Variants in FILIP1L observed in about 807,000 individuals in gnomAD.
FILIP1L encodes filamin A interacting protein 1 like.
In FILIP1L, 55 loss-of-function variants were observed where a neutral mutation model predicts 96.6. That is an observed-to-expected ratio of 0.57 (90% CI 0.46 to 0.71). FILIP1L has a LOEUF of 0.71. Ranked by LOEUF, FILIP1L falls within the 30% of genes least tolerant of loss-of-function variation. The probability of loss-of-function intolerance (pLI) is 0.00; values close to 1 mark genes in which losing one functional copy is unlikely to be tolerated. For synonymous variants in FILIP1L, 467 were observed against 473.9 expected (o/e 0.99, Z 0.19); for missense variants, 1,304 against 1,321.2 (o/e 0.99, Z 0.20).
At chr3:99,965,361 C>T (rs549916421) in intron 1 of FILIP1L, among the ~76,000 whole-genome samples, 1 of 152,300 alleles carries the variant, frequency 6.6e-6, no homozygotes, top group Admixed American at 6.5e-5. Context: ...TCACATTTCT[C>T]TCTGTTGCCC....
At chr3:99,951,768 A>G (rs1357204230) in intron 1 of FILIP1L, among the ~76,000 whole-genome samples, 1 of 152,198 alleles carries the variant, frequency 6.6e-6, no homozygotes, top group Non-Finnish European at 1.5e-5. Flanking sequence ...GTAAGGAGCC[A>G]AACAGTAAAT....
At chr3:100,033,050 A>G (rs1490389606) in intron 1 of FILIP1L, among the ~76,000 whole-genome samples, 1 of 151,982 alleles carries the variant, frequency 6.6e-6, no homozygotes, top group Non-Finnish European at 1.5e-5. Context: ...ACCATTGATG[A>G]GACATGGTAA....
chr3:99,945,050 A>C (rs1051000275), intron 1 of FILIP1L, among the ~76,000 whole-genome samples: 3 of 152,148 alleles, frequency 2.0e-5, no homozygotes, highest in African/African-American at 7.2e-5. Flanking sequence ...TTAAGTCAAA[A>C]ATCATCAAGA....
intron 1 of FILIP1L, among the ~76,000 whole-genome samples, chr3:100,067,059 G>A (rs997079753): frequency 5.3e-5 from 8 of 152,164 alleles, no homozygotes; most frequent in African/African-American, 1.9e-4. Flanking sequence ...CGTGGACTGT[G>A]ATTAGGTTAA....
Position 99,873,788 on chromosome 3 carries a change from ACT to A in FILIP1L, c.606-22720_606-22719del, listed in dbSNP as rs1705363905. Among the ~76,000 whole-genome samples the A allele has an allele frequency of 7.2e-5, 11 of 152,314 alleles. 1 individual carries two copies. In the South Asian group the frequency reaches 2.3e-3, roughly 32 times the overall value. On this transcript the variant is annotated intron_variant, in intron 4 of 5. Transcript: ENST00000477258. ...GTCAAGGCTTGATTTGTGTTTTCATACTGGCTGTTACTATAGTCTCCATCACA... is the reference window on the plus strand; with the variant it reads ...GTCAAGGCTTGATTTGTGTTTTCATAGGCTGTTACTATAGTCTCCATCACA...
intron 4 of FILIP1L, among the ~76,000 whole-genome samples, chr3:99,863,398 G>C (rs809415): frequency 6.6e-6 from 1 of 151,940 alleles, no homozygotes; most frequent in African/African-American, 2.4e-5. Context: ...ACTCCTGTAC[G>C]TGGGGACTCA....
intron 1 of FILIP1L, among the ~76,000 whole-genome samples, chr3:100,095,435 A>G (rs2066188040): frequency 6.6e-6 from 1 of 152,220 alleles, no homozygotes; most frequent in Admixed American, 6.5e-5. Context: ...TATTTAAAAA[A>G]CAATTAAAAA....
At position 100,114,442 on chromosome 3, in the gene FILIP1L, C is replaced by T. The variant is rs1376348056; in HGVS notation, c.-400G>A. ...GATGAGGTGACCCAAAAGCCAGGAACCATCTGCGCAGAGCAGACAAGTAGA... is the reference window on the plus strand; with the variant it reads ...GATGAGGTGACCCAAAAGCCAGGAATCATCTGCGCAGAGCAGACAAGTAGA... On this transcript the variant is annotated 5_prime_UTR_variant, in exon 1 of 6. Coordinates refer to ENST00000477258, the MANE Select transcript of FILIP1L (RefSeq NM_001387850.1). The T allele has an allele frequency of 6.5e-6, 1 of 152,746 alleles. No individual in the cohort carries two copies. The highest frequency in any genetic ancestry group is 1.5e-5 in the Non-Finnish European group (1 of 68,554). 9.5% of individuals were successfully genotyped at this position (152,746 alleles called of 1,614,324 possible).
chr3:100,049,000 T>G (rs1240126623), intron 1 of FILIP1L, among the ~76,000 whole-genome samples: 1 of 152,232 alleles, frequency 6.6e-6, no homozygotes, highest in African/African-American at 2.4e-5. Flanking sequence ...GGATTACATC[T>G]TATATGAATA....
At chr3:99,848,084 G>C (rs1943448713) in intron 5 of FILIP1L, 1 of 1,364,768 alleles carries the variant, frequency 7.3e-7, no homozygotes, top group Non-Finnish European at 9.5e-7. Context: ...TAAATGAAAA[G>C]ATATACAGTA....
chr3:99,965,981 C>G, intron 1 of FILIP1L, among the ~76,000 whole-genome samples: 1 of 152,166 alleles, frequency 6.6e-6, no homozygotes, highest in Non-Finnish European at 1.5e-5. Context: ...CCCTAGTAAA[C>G]CCCATGTCTC....
chr3:99,914,233 T>C (rs1706882560), intron 4 of FILIP1L, among the ~76,000 whole-genome samples: 3 of 152,136 alleles, frequency 2.0e-5, no homozygotes, highest in African/African-American at 4.8e-5. Flanking sequence ...AGACTTGATA[T>C]AGGATATATG....
At chr3:99,970,359 G>A (rs1459995715) in intron 1 of FILIP1L, among the ~76,000 whole-genome samples, 1 of 152,184 alleles carries the variant, frequency 6.6e-6, no homozygotes, top group East Asian at 1.9e-4. Flanking sequence ...TGTGTGAGGT[G>A]GATGAGACCA....
chr3:99,985,607 G>A (rs1248201535), intron 1 of FILIP1L, among the ~76,000 whole-genome samples: 1 of 132,982 alleles, frequency 7.5e-6, no homozygotes, highest in African/African-American at 2.7e-5. Context: ...TTTTTTTTTT[G>A]AGATAGAGTC....
chr3:99,999,562 C>G (rs1709783524), intron 1 of FILIP1L, among the ~76,000 whole-genome samples: 1 of 152,170 alleles, frequency 6.6e-6, no homozygotes, highest in Non-Finnish European at 1.5e-5. Flanking sequence ...AAATCCTTGC[C>G]TTGGGAACTT....
intron 1 of FILIP1L, among the ~76,000 whole-genome samples, chr3:100,081,254 A>G (rs2065927653): frequency 6.6e-6 from 1 of 152,206 alleles, no homozygotes; most frequent in Non-Finnish European, 1.5e-5. Context: ...ATCATCTTTT[A>G]TCTCTTTTTT....
chr3:99,895,463 C>G (rs747180244), intron 4 of FILIP1L, among the ~76,000 whole-genome samples: 9 of 151,290 alleles, frequency 5.9e-5, no homozygotes, highest in Admixed American at 1.3e-4. Context: ...TTTCCTTCCG[C>G]TCATGGGCAA....
chr3:100,067,001 TTGAGTGAG>T (rs2065677048), intron 1 of FILIP1L, among the ~76,000 whole-genome samples: 1 of 152,192 alleles, frequency 6.6e-6, no homozygotes, highest in Non-Finnish European at 1.5e-5. Flanking sequence ...CATACACATA[TTGAGTGAG>T]ATTCCTCAGT....
intron 4 of FILIP1L, among the ~76,000 whole-genome samples, chr3:99,851,537 G>T (rs541593229): frequency 3.9e-4 from 60 of 152,150 alleles, no homozygotes; most frequent in Non-Finnish European, 7.5e-4. Context: ...ATTTACTTCA[G>T]GGGCTTTTTA....
Sources: allele counts gnomAD v4.1 joint callset (sites outside exome capture counted in the v4.1 genomes callset), GRCh38; gene constraint gnomAD v4.1.1; transcripts MANE v1.5; gene names NCBI Gene and HGNC (gene_info 2026-07-23, HGNC 2026-07-21).